MARCHF1: variants seen among roughly 807,000 people sequenced by gnomAD.
The protein encoded by MARCHF1 is E3 ubiquitin-protein ligase MARCHF1.
MARCHF1 carries 40 observed loss-of-function variants against 54.2 expected under a neutral mutation model. That is an observed-to-expected ratio of 0.74 (90% confidence interval 0.57 to 0.96). The LOEUF (loss-of-function observed/expected upper bound fraction) is 0.96, where lower values mean the gene tolerates loss of function less well. Ranked by LOEUF, MARCHF1 falls within the 40% of genes least tolerant of loss-of-function variation. The pLI, the probability that MARCHF1 is intolerant of heterozygous loss-of-function variation, is 0.00. For missense variants in MARCHF1, 586 were observed against 656.5 expected, an observed-to-expected ratio of 0.89 and a Z score of 1.17; for synonymous variants, 236 against 236.3, an observed-to-expected ratio of 1.00 and a Z score of 0.01.
At chr4:164,284,453 T>C (rs974104467) in intron 1 of MARCHF1, among the ~76,000 whole-genome samples, 1 of 150,852 alleles carries the variant, frequency 6.6e-6, no homozygotes, top group Admixed American at 6.7e-5. Context: ...ACATATGCCT[T>C]TATAACATAT....
chr4:163,643,259 C>T (rs9637654), intron 5 of MARCHF1, among the ~76,000 whole-genome samples: 13,096 of 151,002 alleles, frequency 0.087, 1,085 homozygotes, highest in East Asian at 0.2. Context: ...GCCTGGGAGG[C>T]GGAGGTTGCA....
intron 5 of MARCHF1, among the ~76,000 whole-genome samples, chr4:163,633,853 C>T (rs1469423300): frequency 1.3e-5 from 2 of 152,126 alleles, no homozygotes; most frequent in African/African-American, 2.4e-5. Flanking sequence ...AGAGAAAGGT[C>T]GGGTTACCCT....
chr4:164,051,104 G>A (rs6536780), intron 2 of MARCHF1, among the ~76,000 whole-genome samples: 50,700 of 151,934 alleles, frequency 0.33, 9,008 homozygotes, highest in Middle Eastern at 0.49. Context: ...TGTGCACCAC[G>A]AATTGGAGGA....
At chr4:164,326,663 G>C (rs946615301) in intron 1 of MARCHF1, among the ~76,000 whole-genome samples, 1 of 152,174 alleles carries the variant, frequency 6.6e-6, no homozygotes. Flanking sequence ...CAAATTCAAA[G>C]TGCTGTTTAT....
chr4:164,292,199 T>C (rs111685839), intron 1 of MARCHF1, among the ~76,000 whole-genome samples: 6 of 152,338 alleles, frequency 3.9e-5, no homozygotes, highest in African/African-American at 1.4e-4. Context: ...TTTAGATTTA[T>C]TTATACATAG....
intron 5 of MARCHF1, among the ~76,000 whole-genome samples, chr4:163,620,474 G>A (rs1741642418): frequency 6.6e-6 from 1 of 151,738 alleles, no homozygotes; most frequent in African/African-American, 2.4e-5. Flanking sequence ...GTTCATTACA[G>A]CATTATCTGT....
chr4:163,600,216 TAC>T (rs1214817413), intron 7 of MARCHF1, among the ~76,000 whole-genome samples: 2 of 152,022 alleles, frequency 1.3e-5, no homozygotes, highest in Admixed American at 1.3e-4. Flanking sequence ...ATATTTTATA[TAC>T]ACACACACTA....
chr4:164,164,983 C>T (rs1001799315), intron 1 of MARCHF1, among the ~76,000 whole-genome samples: 4 of 151,988 alleles, frequency 2.6e-5, no homozygotes, highest in African/African-American at 9.7e-5. Context: ...AGCTCAACTT[C>T]AGCAAGAATT....
chr4:164,097,031 T>C (rs1266018669), intron 2 of MARCHF1, among the ~76,000 whole-genome samples: 8 of 152,066 alleles, frequency 5.3e-5, no homozygotes, highest in Non-Finnish European at 1.0e-4. Context: ...CATAGAGAAG[T>C]ACAGAAAAGC....
chr4:163,912,721 A>G (rs1414641666), intron 3 of MARCHF1, among the ~76,000 whole-genome samples: 1 of 152,140 alleles, frequency 6.6e-6, no homozygotes, highest in Non-Finnish European at 1.5e-5. Flanking sequence ...AGACAAAACA[A>G]TCATATACCG....
At chr4:163,817,282 T>G (rs901480754) in intron 4 of MARCHF1, among the ~76,000 whole-genome samples, 1 of 152,154 alleles carries the variant, frequency 6.6e-6, no homozygotes, top group African/African-American at 2.4e-5. Flanking sequence ...TGTATGTGTT[T>G]GTGTGTATAC....
rs1467511242 is a variant in MARCHF1, at chr4:163,527,147, T to G, written c.*1601A>C. 1.3e-5 allele frequency: 2 copies of G among 152,070 alleles called. No homozygotes were observed. Among genetic ancestry groups the G allele is most frequent in the Admixed American group, 6.6e-5 (1 of 15,236 alleles). 9.4% of individuals were successfully genotyped at this position (152,070 alleles called of 1,614,324 possible). On this transcript the variant is annotated 3_prime_UTR_variant, in exon 10 of 10. Transcript: ENST00000514618. ...AAGTCACCTTTTTTAATGTAGGACA[T>G]CTTTCTTTGACAGGCTACTGTATCT...
intron 4 of MARCHF1, among the ~76,000 whole-genome samples, chr4:163,797,211 G>A (rs927479334): frequency 6.6e-6 from 1 of 151,580 alleles, no homozygotes; most frequent in African/African-American, 2.4e-5. Context: ...TTGCTCTCAG[G>A]TTTCTGTTCC....
At chr4:164,041,027 T>C (rs1342606643) in intron 2 of MARCHF1, among the ~76,000 whole-genome samples, 1 of 152,088 alleles carries the variant, frequency 6.6e-6, no homozygotes, top group African/African-American at 2.4e-5. Flanking sequence ...GATAATACAC[T>C]CAATTTAAAC....
At chr4:163,820,200 A>C (rs1748652897) in intron 4 of MARCHF1, among the ~76,000 whole-genome samples, 1 of 151,910 alleles carries the variant, frequency 6.6e-6, no homozygotes. Context: ...ACTTTACATC[A>C]CCGAATCCAA....
At chr4:163,663,222 CTTT>C (rs70948661) in intron 5 of MARCHF1, among the ~76,000 whole-genome samples, 1 of 141,136 alleles carries the variant, frequency 7.1e-6, no homozygotes, top group Non-Finnish European at 1.5e-5. Context: ...TTTAAATCAT[CTTT>C]TTTTTTTTTT....
At position 164,150,293 on chromosome 4, in the gene MARCHF1, G is replaced by T. The variant is rs544191629; in HGVS notation, c.-322-38631C>A. On this transcript the variant is annotated intron_variant, in intron 1 of 9. Coordinates refer to ENST00000514618, the MANE Select transcript of MARCHF1 (RefSeq NM_001394959.1). ...CTTTGGGAGTGCTCAAGTGTTGTGTGCTTTGCAAAAGTAAAGCACTAATTT... is the reference window on the plus strand; with the variant it reads ...CTTTGGGAGTGCTCAAGTGTTGTGTTCTTTGCAAAAGTAAAGCACTAATTT... 5.3e-5 allele frequency among the ~76,000 whole-genome samples: 8 copies of T among 152,268 alleles called. 1 individual carries two copies. In the Middle Eastern group the frequency reaches 0.017, roughly 324 times the overall value.
At chr4:164,230,334 G>T (rs1353853228) in intron 1 of MARCHF1, among the ~76,000 whole-genome samples, 2 of 151,464 alleles carry the variant, frequency 1.3e-5, no homozygotes, top group East Asian at 3.9e-4. Flanking sequence ...GGAGGAGGTT[G>T]CAGTGAGCCA....
At chr4:164,074,431 T>C (rs1754933041) in intron 2 of MARCHF1, among the ~76,000 whole-genome samples, 1 of 152,210 alleles carries the variant, frequency 6.6e-6, no homozygotes. Context: ...TATCATATCC[T>C]TGAGAATGGG....
Sources: allele counts gnomAD v4.1 joint callset (sites outside exome capture counted in the v4.1 genomes callset), GRCh38; gene constraint gnomAD v4.1.1; transcripts MANE v1.5; gene names NCBI Gene and HGNC (gene_info 2026-07-23, HGNC 2026-07-21).